Variants in INSL6 observed in about 807,000 individuals in gnomAD.
INSL6 encodes the protein insulin like 6.
In INSL6, 16 loss-of-function variants were observed where a neutral mutation model predicts 9.4. That is an observed-to-expected ratio of 1.70 (90% CI 1.15 to 2.59). INSL6 has a LOEUF of 2.59. INSL6 is among the 30% of genes most tolerant of loss of function. INSL6 has a pLI of 0.00. For missense variants in INSL6, 391 were observed against 257.3 expected, an observed-to-expected ratio of 1.52 and a Z score of -3.56; for synonymous variants, 154 against 96.9, an observed-to-expected ratio of 1.59 and a Z score of -3.46.
the INSL6 span, among the ~76,000 whole-genome samples, chr9:5,013,299 A>G: frequency 6.6e-6 from 1 of 152,234 alleles, no homozygotes; most frequent in Non-Finnish European, 1.5e-5. Flanking sequence ...AGGTTTACCA[A>G]AGTAGTATAG....
the INSL6 span, among the ~76,000 whole-genome samples, chr9:5,081,059 C>A: frequency 6.6e-6 from 1 of 151,756 alleles, no homozygotes; most frequent in Admixed American, 6.6e-5. Flanking sequence ...CCACACCCGG[C>A]TAATTTTTTG....
chr9:5,030,353 T>C, the INSL6 span, among the ~76,000 whole-genome samples: 1 of 152,188 alleles, frequency 6.6e-6, no homozygotes, highest in Admixed American at 6.5e-5. Flanking sequence ...TAAGTTAATT[T>C]ATATAATTTA....
chr9:5,057,914 C>T, the INSL6 span, among the ~76,000 whole-genome samples: 6 of 152,154 alleles, frequency 3.9e-5, no homozygotes, highest in African/African-American at 1.4e-4. Context: ...TTTGACTACT[C>T]TAGATACCTC....
At chr9:5,082,155 C>CAG in the INSL6 span, among the ~76,000 whole-genome samples, 1 of 152,136 alleles carries the variant, frequency 6.6e-6, no homozygotes, top group Non-Finnish European at 1.5e-5. Flanking sequence ...CCCAGGGGAC[C>CAG]AGTGCTCAGC....
At chr9:5,005,371 T>C in the INSL6 span, among the ~76,000 whole-genome samples, 1 of 152,084 alleles carries the variant, frequency 6.6e-6, no homozygotes, top group Non-Finnish European at 1.5e-5. Flanking sequence ...CTCCTTATCA[T>C]ATGGATGGCT....
chr9:5,148,262 T>G (rs896771225), intron 2 of INSL6, among the ~76,000 whole-genome samples: 1 of 152,162 alleles, frequency 6.6e-6, no homozygotes, highest in African/African-American at 2.4e-5. Flanking sequence ...CTTTGTTGAA[T>G]TTTTGCACAT....
At chr9:5,015,035 C>T in the INSL6 span, among the ~76,000 whole-genome samples, 6 of 152,162 alleles carry the variant, frequency 3.9e-5, no homozygotes, top group African/African-American at 1.4e-4. Context: ...TATTTTACAG[C>T]TTACAGTTTT....
At chr9:5,065,904 A>G in the INSL6 span, among the ~76,000 whole-genome samples, 1 of 152,210 alleles carries the variant, frequency 6.6e-6, no homozygotes, top group African/African-American at 2.4e-5. Context: ...TCTATGCTTA[A>G]TATTTATTTA....
At chr9:5,097,988 C>G in the INSL6 span, 1 of 152,200 alleles carries the variant, frequency 6.6e-6, no homozygotes, top group African/African-American at 2.4e-5. Flanking sequence ...TTCCGATTAT[C>G]CTGATGCATA....
At chr9:5,095,511 C>T in the INSL6 span, among the ~76,000 whole-genome samples, 2 of 152,118 alleles carry the variant, frequency 1.3e-5, no homozygotes, top group African/African-American at 4.8e-5. Flanking sequence ...AATTTTCATC[C>T]TTAATAATAA....
exon 4 of INSL6, among the ~76,000 whole-genome samples, chr9:5,124,367 G>T (rs890962055): frequency 6.6e-6 from 1 of 150,974 alleles, no homozygotes; most frequent in African/African-American, 2.4e-5. Context: ...GTCTGTAATC[G>T]ATCGAGTTAA....
downstream of INSL6, among the ~76,000 whole-genome samples, chr9:5,121,502 A>G (rs1823612951): frequency 6.6e-6 from 1 of 152,144 alleles, no homozygotes; most frequent in Non-Finnish European, 1.5e-5. Context: ...GCTTGGAAGG[A>G]GGCTCCTGCT....
At chr9:5,177,268 G>A (rs1564055839) in intron 1 of INSL6, among the ~76,000 whole-genome samples, 1 of 152,166 alleles carries the variant, frequency 6.6e-6, no homozygotes, top group African/African-American at 2.4e-5. Context: ...GGCCTACCAA[G>A]GAACAGCAGG....
chr9:5,183,146 T>C (rs190365534), intron 1 of INSL6, among the ~76,000 whole-genome samples: 9 of 152,338 alleles, frequency 5.9e-5, no homozygotes, highest in Admixed American at 5.9e-4. Flanking sequence ...TAGAAACATA[T>C]ACATCTCTGC....
intron 3 of INSL6, among the ~76,000 whole-genome samples, chr9:5,124,573 G>A (rs532938496): frequency 1.3e-5 from 2 of 151,624 alleles, no homozygotes; most frequent in South Asian, 4.2e-4. Flanking sequence ...AAATTCATAG[G>A]GAACCAAAAA....
chr9:5,017,499 G>A, the INSL6 span, among the ~76,000 whole-genome samples: 11 of 152,058 alleles, frequency 7.2e-5, no homozygotes, highest in Admixed American at 2.0e-4. Context: ...TTTCTGCTGT[G>A]AACTTCATTT....
chr9:5,104,069 G>C, the INSL6 span, among the ~76,000 whole-genome samples: 1 of 152,130 alleles, frequency 6.6e-6, no homozygotes, highest in Non-Finnish European at 1.5e-5. Context: ...ACTAAGATCA[G>C]AGCAGAACTG....
At chr9:5,134,451 G>C (rs189003463) in intron 2 of INSL6, among the ~76,000 whole-genome samples, 2 of 152,144 alleles carry the variant, frequency 1.3e-5, no homozygotes, top group Non-Finnish European at 2.9e-5. Context: ...AGAAAGGTCG[G>C]GTTACCCACA....
chr9:5,010,550 A>G, the INSL6 span, among the ~76,000 whole-genome samples: 1 of 152,088 alleles, frequency 6.6e-6, no homozygotes, highest in Admixed American at 6.5e-5. Context: ...CGAACTCCTG[A>G]CCTCAGGTGA....
Sources: allele counts gnomAD v4.1 joint callset (sites outside exome capture counted in the v4.1 genomes callset), GRCh38; gene constraint gnomAD v4.1.1; transcripts MANE v1.5; gene names NCBI Gene and HGNC (gene_info 2026-07-23, HGNC 2026-07-21).